The following PHACTR2 variants were observed in gnomAD, a reference collection of about 807,000 sequenced individuals.
PHACTR2 encodes phosphatase and actin regulator 2.
In PHACTR2, 30 loss-of-function variants were observed where a neutral mutation model predicts 76.0. The observed-to-expected ratio is 0.39, with a 90% CI of 0.30 to 0.54. The LOEUF (loss-of-function observed/expected upper bound fraction) is 0.54. Ranked by LOEUF, PHACTR2 falls within the 20% of genes least tolerant of loss-of-function variation. PHACTR2 has a pLI of 0.61. For missense variants in PHACTR2, 696 were observed against 781.1 expected (o/e 0.89, Z 1.30); for synonymous variants, 292 against 292.5 (o/e 1.00, Z 0.02).
intron 2 of PHACTR2, among the ~76,000 whole-genome samples, chr6:143,745,024 A>T (rs1779025759): frequency 6.6e-6 from 1 of 152,214 alleles, no homozygotes; most frequent in Non-Finnish European, 1.5e-5. Context: ...TCAACTGGCG[A>T]TAATACTTTT....
intron 1 of PHACTR2, among the ~76,000 whole-genome samples, chr6:143,540,948 T>C (rs1449887523): frequency 6.6e-6 from 1 of 152,230 alleles, no homozygotes; most frequent in East Asian, 1.9e-4. Flanking sequence ...GGAGTCTTGC[T>C]GTGTTGTCCA....
Position 143,662,777 on chromosome 6 carries a change from G to A in PHACTR2, c.14-49239G>A, listed in dbSNP as rs765587791. Among the ~76,000 whole-genome samples, 133 of 152,048 alleles carry A rather than the reference G, an allele frequency of 8.7e-4. No individual in the cohort carries two copies. Among genetic ancestry groups the A allele is most frequent in the Admixed American group, 2.6e-3 (40 of 15,260 alleles). ...TCGGCTTTTATTTTTGATACAGGGG[G>A]TATGTATGGAGGACTGTTATATGGG... On this transcript the variant is annotated intron_variant, in intron 1 of 11. Coordinates refer to the PHACTR2 transcript ENST00000305766. This position sits in a 1 kb window ranked among gnomAD's most constrained non-coding sequence, Gnocchi z 4.7.
At chr6:143,808,210 A>G (rs1427412734) in intron 12 of PHACTR2, among the ~76,000 whole-genome samples, 2 of 150,198 alleles carry the variant, frequency 1.3e-5, no homozygotes, top group East Asian at 3.9e-4. Context: ...GCTTACTGCA[A>G]CCTCCACCTC....
rs756161480 is a variant in PHACTR2, at chr6:143,697,106, A to G, written c.47-14910A>G. On this transcript the variant is annotated intron_variant, in intron 1 of 12. Transcript: ENST00000440869. This position sits in a 1 kb window ranked among gnomAD's most constrained non-coding sequence, Gnocchi z 4.4. ...ATTGCCACATAACTGAACATCTGTCATAATGCTATATTATCAAAGAATTTA... is the reference window on the plus strand; with the variant it reads ...ATTGCCACATAACTGAACATCTGTCGTAATGCTATATTATCAAAGAATTTA... 1.3e-5 allele frequency among the ~76,000 whole-genome samples: 2 copies of G among 152,246 alleles called. No homozygotes were observed. The highest frequency in any genetic ancestry group is 2.1e-4 in the South Asian group (1 of 4,836).
In PHACTR2 at chr6:143,562,365, C is replaced by A. The variant is rs989666017; in HGVS notation, c.217+25158C>A. On this transcript the variant is annotated intron_variant, in intron 1 of 11. Coordinates refer to the PHACTR2 transcript ENST00000367584. This position sits in a 1 kb window ranked among gnomAD's most constrained non-coding sequence, Gnocchi z 5.1. ...AAGCAAAGGGGAAGCAGGCCCGTCA[C>A]ATGGCCAGAGCAGGAGCAAGACAGC... Among the ~76,000 whole-genome samples the A allele has an allele frequency of 2.6e-5, 4 of 152,148 alleles. No individual in the cohort carries two copies. Among genetic ancestry groups the A allele is most frequent in the Non-Finnish European group, 5.9e-5 (4 of 68,032 alleles).
In PHACTR2 at chr6:143,761,903, T is replaced by A. The variant is rs1226672769; in HGVS notation, c.694+1263T>A. ...GCGGTTTAGTTGACAGTATAACAGATCTCTGAATGCCAATAGACATCCCTC... is the reference window on the plus strand; with the variant it reads ...GCGGTTTAGTTGACAGTATAACAGAACTCTGAATGCCAATAGACATCCCTC... On this transcript the variant is annotated intron_variant, in intron 5 of 12. Coordinates refer to ENST00000440869, the MANE Select transcript of PHACTR2 (RefSeq NM_001100164.2). This position sits in a 1 kb window ranked among gnomAD's most constrained non-coding sequence, Gnocchi z 5.2. Among the ~76,000 whole-genome samples the A allele has an allele frequency of 6.6e-6, 1 of 152,156 alleles. No individual in the cohort carries two copies. Among genetic ancestry groups the A allele is most frequent in the Non-Finnish European group, 1.5e-5 (1 of 68,028 alleles).
chr6:143,760,651 C>G lies in PHACTR2; in HGVS notation c.694+11C>G. The G allele has an allele frequency of 6.2e-7, 1 of 1,613,448 alleles. No individual in the cohort carries two copies. Among genetic ancestry groups the G allele is most frequent in the South Asian group, 1.1e-5 (1 of 91,034 alleles). ...CGACCCGAGAGGCTGGTGAGTATGC[C>G]CCCAGTGCCCTGTGGGGTCACTTCT... On this transcript the variant is annotated intron_variant, in intron 5 of 12. Coordinates refer to ENST00000440869, the MANE Select transcript of PHACTR2 (RefSeq NM_001100164.2). This position sits in a 1 kb window ranked among gnomAD's most constrained non-coding sequence, Gnocchi z 6.4.
rs2128427888 is a variant in PHACTR2, at chr6:143,554,674, T to A, written c.217+17467T>A. On this transcript the variant is annotated intron_variant, in intron 1 of 11. Coordinates refer to the PHACTR2 transcript ENST00000367584. This position sits in a 1 kb window ranked among gnomAD's most constrained non-coding sequence, Gnocchi z 5.9. ...GCAGGGCTTTTGTTAAAACTGTATT[T>A]TACGAGGAAGTGCCCAGATGGGCCT... 2 of 152,258 alleles carry A rather than the reference T, an allele frequency of 1.3e-5. 1 individual carries two copies. The highest frequency in any genetic ancestry group is 4.1e-4 in the South Asian group (2 of 4,820). 9.4% of individuals were successfully genotyped at this position (152,258 alleles called of 1,614,324 possible).
At chr6:143,615,517 A>G (rs1325021738) in intron 1 of PHACTR2, among the ~76,000 whole-genome samples, 2 of 152,240 alleles carry the variant, frequency 1.3e-5, no homozygotes, top group Admixed American at 6.5e-5. Context: ...ATAAGACAAA[A>G]TATAGTTGTG....
At position 143,777,325 on chromosome 6, in the gene PHACTR2, T is replaced by C. The variant is rs756000933; in HGVS notation, c.1590-3T>C. Reference sequence around the variant, plus strand: ...CTGTAATATATCCTTTTTGTCATCATAGGAGGCTGAGCCAGAGGCCCACAA... The same window carrying C: ...CTGTAATATATCCTTTTTGTCATCACAGGAGGCTGAGCCAGAGGCCCACAA... On this transcript the variant is annotated splice_region_variant and splice_polypyrimidine_tract_variant and intron_variant, in intron 8 of 12. Transcript: ENST00000440869. The surrounding 1 kb of genome is among the most constrained non-coding windows in gnomAD (Gnocchi z 4.6). The C allele has an allele frequency of 2.5e-6, 4 of 1,584,458 alleles. No individual in the cohort carries two copies. Among genetic ancestry groups the C allele is most frequent in the East Asian group, 2.2e-5 (1 of 44,554 alleles).
At chr6:143,586,616 A>G (rs1228346868) in intron 1 of PHACTR2, among the ~76,000 whole-genome samples, 1 of 152,240 alleles carries the variant, frequency 6.6e-6, no homozygotes, top group Non-Finnish European at 1.5e-5. Context: ...AGCCCAGGGC[A>G]GTTTTGCAGT....
In PHACTR2 at chr6:143,772,230, C is replaced by T; in HGVS notation, c.1233-28C>T. 6.4e-7 allele frequency: 1 copy of T among 1,564,340 alleles called. No homozygotes were observed. ...CCAAGGGTTGCTCTGAGCTTCACAT[C>T]ACTCCCATGCTTTTCTGCCTTTAAC... On this transcript the variant is annotated intron_variant, in intron 6 of 12. Transcript: ENST00000440869. The surrounding 1 kb of genome is among the most constrained non-coding windows in gnomAD (Gnocchi z 5.4).
At position 143,678,037 on chromosome 6, in the gene PHACTR2, G is replaced by C. The variant is rs560356594; in HGVS notation, c.-127G>C. The C allele has an allele frequency of 5.9e-5, 90 of 1,519,756 alleles. 1 individual carries two copies. In the East Asian group the frequency reaches 2.3e-3, roughly 39 times the overall value. 94.1% of individuals were successfully genotyped at this position (1,519,756 alleles called of 1,614,324 possible). A position where few individuals can be genotyped will look rare whatever the true frequency, so the allele number is the denominator to read the frequency against. On this transcript the variant is annotated 5_prime_UTR_variant, in exon 1 of 13. Transcript: ENST00000440869. The surrounding 1 kb of genome is among the most constrained non-coding windows in gnomAD (Gnocchi z 6.2). Reference sequence around the variant, plus strand: ...GAGACCCGCGCGGGGTAGAAGGTGAGGGGACCCGGCGGGCCGCTCGGCACA... The same window carrying C: ...GAGACCCGCGCGGGGTAGAAGGTGACGGGACCCGGCGGGCCGCTCGGCACA...
In PHACTR2 at chr6:143,570,080, A is replaced by G. The variant is rs183490200; in HGVS notation, c.217+32873A>G. 6.6e-6 allele frequency among the ~76,000 whole-genome samples: 1 copy of G among 152,330 alleles called. No individual in the cohort carries two copies. Among genetic ancestry groups the G allele is most frequent in the African/African-American group, 2.4e-5 (1 of 41,584 alleles). Reference sequence around the variant, plus strand: ...AGTCCCAGTCCAATCCTTTGAGGTCAATTTCATTGTTTTTCTCCTTATTCT... The same window carrying G: ...AGTCCCAGTCCAATCCTTTGAGGTCGATTTCATTGTTTTTCTCCTTATTCT... On this transcript the variant is annotated intron_variant, in intron 1 of 11. Coordinates refer to the PHACTR2 transcript ENST00000367584. The surrounding 1 kb of genome is among the most constrained non-coding windows in gnomAD (Gnocchi z 4.6).
At position 143,611,932 on chromosome 6, in the gene PHACTR2, CA is replaced by C. The variant is rs1775983502; in HGVS notation, c.13+3613del. 6.6e-6 allele frequency among the ~76,000 whole-genome samples: 1 copy of C among 152,114 alleles called. No individual in the cohort carries two copies. Among genetic ancestry groups the C allele is most frequent in the Admixed American group, 6.5e-5 (1 of 15,274 alleles). On this transcript the variant is annotated intron_variant, in intron 1 of 11. Transcript: ENST00000305766. This position sits in a 1 kb window ranked among gnomAD's most constrained non-coding sequence, Gnocchi z 4.4. ...TGGAGGCAGGGAGAACTGCAGCAGTCAAAGGAGACCCTGGAGGTTTCCCGTT... is the reference window on the plus strand; with the variant it reads ...TGGAGGCAGGGAGAACTGCAGCAGTCAAGGAGACCCTGGAGGTTTCCCGTT...
rs541340736 is a variant in PHACTR2 at position 143,614,732 on chromosome 6, C to T, written c.13+6410C>T. Among the ~76,000 whole-genome samples, 10 of 152,286 alleles carry T rather than the reference C, an allele frequency of 6.6e-5. No homozygotes were observed. The East Asian group carries it at 1.7e-3, about 26-fold the overall frequency. ...CATCTATGTCCAGGATTTCTCTTCTCTTTCCTTGCCTCTAACCTTTCACTG... is the reference window on the plus strand; with the variant it reads ...CATCTATGTCCAGGATTTCTCTTCTTTTTCCTTGCCTCTAACCTTTCACTG... On this transcript the variant is annotated intron_variant, in intron 1 of 11. Transcript: ENST00000305766.
Position 143,618,819 on chromosome 6 carries a change from C to T in PHACTR2, c.13+10497C>T, listed in dbSNP as rs562146848. Among the ~76,000 whole-genome samples the T allele has an allele frequency of 1.2e-4, 19 of 152,190 alleles. 1 individual carries two copies. The South Asian group carries it at 3.7e-3, about 30-fold the overall frequency. On this transcript the variant is annotated intron_variant, in intron 1 of 11. Transcript: ENST00000305766. The surrounding 1 kb of genome is among the most constrained non-coding windows in gnomAD (Gnocchi z 5.2). ...GTTCTCACTCCTCTCCTCTCCTCCC[C>T]GAAAACTCTCTTCTACCCCTGTTGG...
chr6:143,675,277 T>C (rs1166484835), upstream of PHACTR2, among the ~76,000 whole-genome samples: 2 of 152,196 alleles, frequency 1.3e-5, no homozygotes, highest in Admixed American at 1.3e-4. The surrounding 1 kb of genome is among the most constrained non-coding windows in gnomAD (Gnocchi z 4.9). Flanking sequence ...GTAGATGCCA[T>C]TAGTCTATAT....
chr6:143,810,466 G>A, intron 12 of PHACTR2: 3 of 386,056 alleles, frequency 7.8e-6, no homozygotes, highest in South Asian at 5.8e-5. Context: ...TGGTCGAGAG[G>A]TTTATATTCT....
Sources: gnomAD v4.1 joint callset for allele counts (sites outside exome capture counted in the v4.1 genomes callset) on GRCh38, gnomAD v4.1.1 for gene constraint, Gnocchi (gnomAD v3.1) non-coding constraint, MANE v1.5 for transcripts, NCBI Gene and HGNC (gene_info 2026-07-23, HGNC 2026-07-21) for gene names.